The following CLEC1B variants were observed in gnomAD, a reference collection of about 807,000 sequenced individuals.
CLEC1B encodes C-type lectin domain family 1 member B, also known as C-type lectin-like receptor 2.
A neutral mutation model predicts 26.7 loss-of-function variants in CLEC1B; 26 were observed. The ratio of observed to expected loss-of-function variants is 0.97; its 90% CI spans 0.71 to 1.35. CLEC1B has a LOEUF of 1.35. CLEC1B is among the 40% of genes most tolerant of loss of function. The pLI is 0.00. For missense variants in CLEC1B, 293 were observed against 282.6 expected (o/e 1.04, Z -0.26); for synonymous variants, 112 against 96.0 (o/e 1.17, Z -0.97).
Position 9,993,235 on chromosome 12 carries a change from T to C in CLEC1B, c.598A>G (p.Asn200Asp). 4 of 1,612,810 alleles carry C rather than the reference T, an allele frequency of 2.5e-6. No homozygotes were observed. The East Asian group carries it at 6.7e-5, about 27-fold the overall frequency. The change falls in exon 6 of 6, where the codon AAT (asparagine) becomes GAT (aspartate). Residue 200 changes from asparagine (N) to aspartate (D), a missense_variant. Physicochemically the swap from Asn to Asp is conservative, Grantham distance 23. Coordinates refer to ENST00000298527, the MANE Select transcript of CLEC1B (RefSeq NM_016509.4). ...CAGAAGGTAGGGTGCATTTTCCCAT[T>C]ATGAAAATAAGCACAATTCATATTT... Reference protein sequence around the residue: ...KGNMNCAYFHNGKMHPTFCEN... With the variant: ...KGNMNCAYFHDGKMHPTFCEN...
At chr12:9,996,756 GA>G in intron 4 of CLEC1B, 89 bp downstream of exon 4, 1 of 1,362,684 alleles carries the variant, frequency 7.3e-7, no homozygotes, top group Non-Finnish European at 1.0e-6. Context: ...AAGATGTTAA[GA>G]AAAATGTAAA....
chr12:10,000,867 G>A (rs1358037394), upstream of CLEC1B, among the ~76,000 whole-genome samples: 1 of 152,030 alleles, frequency 6.6e-6, no homozygotes, highest in Non-Finnish European at 1.5e-5. Flanking sequence ...ACGTTCTTTT[G>A]GTCACTGCTT....
chr12:9,995,508 T>C (rs2137237933), intron 4 of CLEC1B: 1 of 400,010 alleles, frequency 2.5e-6, no homozygotes, highest in South Asian at 2.1e-5. Context: ...TGTATTTAGA[T>C]CTTCAACCAG....
intron 5 of CLEC1B, among the ~76,000 whole-genome samples, chr12:9,994,390 ATACT>A (rs1352188068): frequency 1.3e-5 from 2 of 152,186 alleles, no homozygotes; most frequent in Non-Finnish European, 1.5e-5. Flanking sequence ...TCTATAGTAA[ATACT>A]TAATAAATAT....
chr12:9,993,130 C>T lies in CLEC1B; in HGVS notation c.*13G>A, dbSNP rs1439336582. ...AAAGCCCTTATCTGTGTTATCCTGT[C>T]CACCTCTTTGCATTAAGGTAGTTGG... On this transcript the variant is annotated 3_prime_UTR_variant, in exon 6 of 6. Coordinates refer to ENST00000298527, the MANE Select transcript of CLEC1B (RefSeq NM_016509.4). The T allele has an allele frequency of 1.2e-6, 2 of 1,605,138 alleles. No homozygotes were observed. Among genetic ancestry groups the T allele is most frequent in the Admixed American group, 3.3e-5 (2 of 59,882 alleles).
At chr12:9,998,447 C>T in intron 1 of CLEC1B, 67 bp from the exon 2 acceptor site, 1 of 1,055,450 alleles carries the variant, frequency 9.5e-7, no homozygotes, top group South Asian at 1.3e-5. Flanking sequence ...AGGCTCACCC[C>T]TGCCCCTGCC....
chr12:10,001,881 CT>C (rs11436719), upstream of CLEC1B, among the ~76,000 whole-genome samples: 3,931 of 134,138 alleles, frequency 0.029, 47 homozygotes, highest in African/African-American at 0.053. Flanking sequence ...TAAACAAAAT[CT>C]TTTTTTTTTT....
At chr12:9,999,702 G>T (rs527272579), upstream of CLEC1B, among the ~76,000 whole-genome samples, 2 of 152,222 alleles carry the variant, frequency 1.3e-5, no homozygotes, top group East Asian at 3.9e-4. Context: ...TCCACATGAG[G>T]CAGGCCTGAT....
chr12:9,995,403 T>C, intron 4 of CLEC1B, 157 bp from the exon 5 acceptor site: 1 of 698,906 alleles, frequency 1.4e-6, no homozygotes, highest in Non-Finnish European at 2.6e-6. Flanking sequence ...TTGTACCAAT[T>C]TGACTTGTCT....
At position 9,997,230 on chromosome 12, in the gene CLEC1B, T is replaced by TC; in HGVS notation, c.212dup (p.Thr72AsnfsTer27). 1.2e-6 allele frequency: 2 copies of TC among 1,613,790 alleles called. No homozygotes were observed. Among genetic ancestry groups the TC allele is most frequent in the Non-Finnish European group, 1.7e-6 (2 of 1,179,782 alleles). On this transcript the variant is annotated frameshift_variant, in exon 3 of 6. Transcript: ENST00000298527. LOFTEE classifies it high-confidence loss of function. ...AGCGCTTTGCTAATTGTTGCAGAGT[T>TC]CCTGTGCGATTTTCATTCTCACCTT...
intron 1 of CLEC1B, among the ~76,000 whole-genome samples, 197 bp downstream of exon 1, chr12:9,998,840 T>A (rs1440200545): frequency 6.6e-6 from 1 of 152,192 alleles, no homozygotes; most frequent in Non-Finnish European, 1.5e-5. Flanking sequence ...CAATTTTCCC[T>A]GCACATATAT....
intron 5 of CLEC1B, 128 bp downstream of exon 5, chr12:9,995,012 A>T: frequency 1.3e-6 from 2 of 1,570,786 alleles, no homozygotes; most frequent in Non-Finnish European, 1.7e-6. Flanking sequence ...GTCTTGTTTG[A>T]ATTAGCAGGT....
chr12:9,993,096 T>C lies in CLEC1B; in HGVS notation c.*47A>G, dbSNP rs1864928667. 1.3e-6 allele frequency: 2 copies of C among 1,552,212 alleles called. No individual in the cohort carries two copies. The highest frequency in any genetic ancestry group is 1.2e-5 in the South Asian group (1 of 85,518). On this transcript the variant is annotated 3_prime_UTR_variant, in exon 6 of 6. Transcript: ENST00000298527. The stretch of plus-strand genomic sequence containing the variant: ...CTGATGCATTCATACATATCTTTTA[T>C]TGTACAATAAAGCCCTTATCTGTGT...
chr12:9,993,294 A>C lies in CLEC1B; in HGVS notation c.546-7T>G, dbSNP rs1864939685. 1.2e-6 allele frequency: 2 copies of C among 1,601,564 alleles called. No homozygotes were observed. The highest frequency in any genetic ancestry group is 1.7e-6 in the Non-Finnish European group (2 of 1,171,392). On this transcript the variant is annotated splice_polypyrimidine_tract_variant and splice_region_variant and intron_variant, in intron 5 of 5. Coordinates refer to ENST00000298527, the MANE Select transcript of CLEC1B (RefSeq NM_016509.4). ...ATCTTCCAAAAACTCAAACCTGTGA[A>C]GGGAAAGTTAGAATAAATTCCTTTG... is the stretch of plus-strand genomic sequence containing the variant.
At chr12:9,995,345 G>A in intron 4 of CLEC1B, 99 bp from the exon 5 acceptor site, 1 of 941,968 alleles carries the variant, frequency 1.1e-6, no homozygotes, top group Admixed American at 1.7e-5. Context: ...AAAAATGTTG[G>A]ATTACATGTC....
Position 9,993,268 on chromosome 12 carries a change from C to T in CLEC1B, c.565G>A (p.Gly189Arg). 6.2e-7 allele frequency: 1 copy of T among 1,612,606 alleles called. No individual in the cohort carries two copies. Among genetic ancestry groups the T allele is most frequent in the South Asian group, 1.1e-5 (1 of 91,030 alleles). The change falls in exon 6 of 6, where the codon GGA becomes AGA. Residue 189 changes from glycine to arginine, a missense_variant. Coordinates refer to ENST00000298527, the MANE Select transcript of CLEC1B (RefSeq NM_016509.4). ...TAAGCACAATTCATATTTCCTTTTC[C>T]ATCTTCCAAAAACTCAAACCTGTGA... ...SENMFEFLEDGKGNMNCAYFH... is the reference protein window; with the variant it reads ...SENMFEFLEDRKGNMNCAYFH...
rs908707499 is a variant in CLEC1B, at chr12:9,997,192, A to G, written c.251T>C (p.Val84Ala). 2 of 1,613,988 alleles carry G rather than the reference A, an allele frequency of 1.2e-6. No individual in the cohort carries two copies. The highest frequency in any genetic ancestry group is 1.3e-5 in the African/African-American group (1 of 75,050). Residue 84 changes from valine to alanine, a missense_variant, in exon 3 of 6, where the codon GTG becomes GCG. By Grantham distance (64) the Val-to-Ala change is moderately conservative. Transcript: ENST00000298527. ...GCCCTTTAGTTCTGATTGTTTTACC[A>G]CATATTGACAGAAGCGCTTTGCTAA... ...QQLAKRFCQY[V>A]VKQSELKGTF...
At position 9,996,898 on chromosome 12, in the gene CLEC1B, T is replaced by C. The variant is rs1865063311; in HGVS notation, c.386A>G (p.Tyr129Cys). Residue 129 changes from tyrosine (Y) to cysteine (C), a missense_variant, in exon 4 of 6, where the codon TAC becomes TGC. Coordinates refer to ENST00000298527, the MANE Select transcript of CLEC1B (RefSeq NM_016509.4). ...GAGAGTAGCATTCATGTCAGTGCAG[T>C]ACTGCTTACTCTCTTCCCATGTTAA... The part of the protein sequence containing the change: ...HNLTWEESKQ[Y>C]CTDMNATLLK... The C allele has an allele frequency of 1.2e-6, 2 of 1,613,924 alleles. No individual in the cohort carries two copies. The highest frequency in any genetic ancestry group is 2.2e-5 in the South Asian group (2 of 91,086).
At chr12:9,993,308 T>A (rs1342785018) in intron 5 of CLEC1B, 21 bp from the exon 6 acceptor site, 2 of 1,573,838 alleles carry the variant, frequency 1.3e-6, no homozygotes, top group Non-Finnish European at 1.7e-6. Flanking sequence ...AAAGTTAGAA[T>A]AAATTCCTTT....
Sources: allele counts gnomAD v4.1 joint callset (sites outside exome capture counted in the v4.1 genomes callset), GRCh38; gene constraint gnomAD v4.1.1; transcripts MANE v1.5; gene names NCBI Gene and HGNC (gene_info 2026-07-23, HGNC 2026-07-21).